KLF5: variants seen among roughly 807,000 people sequenced by gnomAD.
KLF5 encodes KLF transcription factor 5, also known as Krueppel-like factor 5.
KLF5 carries 9 observed loss-of-function variants against 36.9 expected under a neutral mutation model. The ratio of observed to expected loss-of-function variants is 0.24; its 90% CI spans 0.15 to 0.43. KLF5 has a LOEUF of 0.43. Ranked by LOEUF, KLF5 falls within the 20% of genes least tolerant of loss-of-function variation. The pLI, the probability that KLF5 is intolerant of heterozygous loss-of-function variation, is 1.00. For missense variants in KLF5, 524 were observed against 599.5 expected (o/e 0.87, Z 1.31); for synonymous variants, 246 against 241.7 (o/e 1.02, Z -0.17).
At chr13:73,068,060 C>T (rs1344824887) in intron 3 of KLF5, among the ~76,000 whole-genome samples, 4 of 151,644 alleles carry the variant, frequency 2.6e-5, no homozygotes, top group South Asian at 4.2e-4. Flanking sequence ...AGGCTGGTCT[C>T]GAACTCCTGA....
chr13:73,057,295 C>A (rs908158779), upstream of KLF5, among the ~76,000 whole-genome samples: 12 of 152,262 alleles, frequency 7.9e-5, no homozygotes, highest in African/African-American at 2.6e-4. Context: ...AAATCCCATC[C>A]TAATTCTATA....
upstream of KLF5, chr13:73,059,003 G>C (rs1191557066): frequency 1.8e-5 from 4 of 226,142 alleles, no homozygotes; most frequent in African/African-American, 4.5e-5. Flanking sequence ...TCAAGTGTCA[G>C]TAGTCGCGGG....
chr13:73,067,016 A>ATG (rs2044685292), intron 3 of KLF5, among the ~76,000 whole-genome samples: 1 of 152,170 alleles, frequency 6.6e-6, no homozygotes, highest in Admixed American at 6.5e-5. Context: ...TATTTGTAGT[A>ATG]TGTGTGTGTA....
chr13:73,062,692 C>A lies in KLF5; in HGVS notation c.1093C>A (p.Pro365Thr), dbSNP rs759036524. 6.2e-7 allele frequency: 1 copy of A among 1,614,062 alleles called. No homozygotes were observed. The highest frequency in any genetic ancestry group is 1.1e-5 in the South Asian group (1 of 91,088). ...TGTCAGATACAATAGAAGGAGTAAC[C>A]CCGATTTGGAGAAACGACGCATCCA... ...QPVRYNRRSNPDLEKRRIHYC... is the reference protein window; with the variant it reads ...QPVRYNRRSNTDLEKRRIHYC... Residue 365 changes from proline to threonine, a missense_variant, in exon 2 of 4, where the codon CCC (proline) becomes ACC (threonine). Pro to Thr is a conservative substitution (Grantham distance 38). Around this residue, in one of 4 missense-constraint regions of KLF5, gnomAD observed 46 missense variants for 105.8 expected, o/e 0.43. Coordinates refer to ENST00000377687, the MANE Select transcript of KLF5 (RefSeq NM_001730.5).
At chr13:73,069,289 A>G (rs2044705561) in intron 3 of KLF5, among the ~76,000 whole-genome samples, 1 of 152,136 alleles carries the variant, frequency 6.6e-6, no homozygotes, top group South Asian at 2.1e-4. Flanking sequence ...GCCTTAATGG[A>G]TGGAGATCTT....
rs148760123 is a variant in KLF5 at position 73,075,970 on chromosome 13, C to CAA, written c.*86_*87dup. 7.8e-3 allele frequency: 8,225 copies of CAA among 1,054,678 alleles called. 65 individuals carry two copies. The highest frequency in any genetic ancestry group is 0.047 in the African/African-American group (2,878 of 60,984). The allele number at this position is 1,054,678 out of a possible 1,614,324, so 65.3% of individuals were successfully genotyped here. Reference sequence around the variant, plus strand: ...TATTCCTGTGTAAAAACAACAAAAACAAACAAAAGCAAGAAAACCACAACT... The same window carrying CAA: ...TATTCCTGTGTAAAAACAACAAAAACAAAAACAAAAGCAAGAAAACCACAACT... On this transcript the variant is annotated 3_prime_UTR_variant, in exon 4 of 4. Coordinates refer to ENST00000377687, the MANE Select transcript of KLF5 (RefSeq NM_001730.5).
upstream of KLF5, among the ~76,000 whole-genome samples, chr13:73,058,257 C>G (rs763678688): frequency 1.4e-4 from 21 of 152,212 alleles, no homozygotes; most frequent in Non-Finnish European, 2.6e-4. Context: ...CCAAGCCCTC[C>G]TCCCCACACA....
intron 3 of KLF5, among the ~76,000 whole-genome samples, chr13:73,072,917 AG>A (rs2044732817): frequency 6.6e-6 from 1 of 152,176 alleles, no homozygotes; most frequent in Non-Finnish European, 1.5e-5. Context: ...TTTGAGATAA[AG>A]TGGGAGCTTG....
upstream of KLF5, among the ~76,000 whole-genome samples, chr13:73,057,635 A>G (rs1205944496): frequency 3.9e-5 from 6 of 152,212 alleles, no homozygotes; most frequent in Non-Finnish European, 2.9e-5. Context: ...TGAGATCCAT[A>G]CCTTTGATAG....
At position 73,059,556 on chromosome 13, in the gene KLF5, G is replaced by C; in HGVS notation, c.229G>C (p.Gly77Arg). ...GCAGCCGGCCCAGCCGCCCGCCACC[G>C]GCCCGCGGCTGCCTCCAGAGGACCT... is the stretch of plus-strand genomic sequence containing the variant. Reference protein sequence around the residue: ...APQPAQPPATGPRLPPEDLVQ... With the variant: ...APQPAQPPATRPRLPPEDLVQ... The change falls in exon 1 of 4, where the codon GGC becomes CGC. Residue 77 changes from glycine (G) to arginine (R), a missense_variant. Transcript: ENST00000377687. 8.6e-7 allele frequency: 1 copy of C among 1,168,832 alleles called. No individual in the cohort carries two copies. The allele number at this position is 1,168,832 out of a possible 1,614,324, so 72.4% of individuals were successfully genotyped here.
chr13:73,075,647 T>G (rs1263910727), intron 3 of KLF5, 61 bp from the exon 4 acceptor site: 5 of 1,334,848 alleles, frequency 3.7e-6, no homozygotes, highest in Non-Finnish European at 5.1e-6. Context: ...CCTTCTCCGG[T>G]GTTATCTAGG....
At chr13:73,059,705 G>C (rs2044616538) in intron 1 of KLF5, 117 bp downstream of exon 1, 2 of 964,610 alleles carry the variant, frequency 2.1e-6, no homozygotes, top group South Asian at 4.9e-5. Context: ...GGGCGCACCG[G>C]AGCCGGTGCT....
In KLF5 at chr13:73,062,468, G is replaced by A. The variant is rs752594595; in HGVS notation, c.869G>A (p.Ser290Asn). The change falls in exon 2 of 4, where the codon AGT (serine) becomes AAT (asparagine). Residue 290 changes from serine to asparagine, a missense_variant. Ser to Asn is a conservative substitution (Grantham distance 46, BLOSUM62 1). Transcript: ENST00000377687. ...CCCCCTTGCACATACACAATGCCAA[G>A]TCAGTTTCTTCCACAACAGGCCACT... Reference protein sequence around the residue: ...GMPPCTYTMPSQFLPQQATYF... With the variant: ...GMPPCTYTMPNQFLPQQATYF... 12 of 1,614,050 alleles carry A rather than the reference G, an allele frequency of 7.4e-6. No individual in the cohort carries two copies. In the South Asian group the frequency reaches 1.3e-4, roughly 18 times the overall value.
intron 3 of KLF5, 129 bp downstream of exon 3, chr13:73,064,012 CT>C: frequency 1.8e-6 from 1 of 563,704 alleles, no homozygotes; most frequent in Non-Finnish European, 3.1e-6. Context: ...TTTAAATAGC[CT>C]ACCTTTTCAG....
At chr13:73,061,571 G>C (rs1035049650) in intron 1 of KLF5, among the ~76,000 whole-genome samples, 5 of 152,198 alleles carry the variant, frequency 3.3e-5, no homozygotes, top group Non-Finnish European at 7.3e-5. Context: ...TATTGCATCA[G>C]AATGGAATGT....
In KLF5 at chr13:73,076,358, A is replaced by G. The variant is rs2044761630; in HGVS notation, c.*472A>G. 1 of 153,396 alleles carries G rather than the reference A, an allele frequency of 6.5e-6. No individual in the cohort carries two copies. The highest frequency in any genetic ancestry group is 2.1e-4 in the South Asian group (1 of 4,846). 9.5% of individuals were successfully genotyped at this position (153,396 alleles called of 1,614,324 possible). ...GATACAGTATACCTGGCAATTCACAAATAGCCATTGAACAAATGTGTGGGT... is the reference window on the plus strand; with the variant it reads ...GATACAGTATACCTGGCAATTCACAGATAGCCATTGAACAAATGTGTGGGT... On this transcript the variant is annotated 3_prime_UTR_variant, in exon 4 of 4. Coordinates refer to ENST00000377687, the MANE Select transcript of KLF5 (RefSeq NM_001730.5).
intron 3 of KLF5, among the ~76,000 whole-genome samples, chr13:73,070,403 G>T (rs900769771): frequency 6.6e-6 from 1 of 152,190 alleles, no homozygotes; most frequent in African/African-American, 2.4e-5. Flanking sequence ...ACGTCAGTGC[G>T]AACTCCCATT....
intron 3 of KLF5, among the ~76,000 whole-genome samples, chr13:73,072,222 A>AG (rs57574208): frequency 0.27 from 41,536 of 151,648 alleles, 6,377 homozygotes; most frequent in Non-Finnish European, 0.33. Flanking sequence ...AGTCATTCAG[A>AG]GGGGGGAAAA....
At chr13:73,058,389 G>A (rs946757075), upstream of KLF5, among the ~76,000 whole-genome samples, 1 of 152,144 alleles carries the variant, frequency 6.6e-6, no homozygotes, top group African/African-American at 2.4e-5. Context: ...TTTTATTCAG[G>A]CATTCTGAAT....
Sources: allele counts gnomAD v4.1 joint callset (sites outside exome capture counted in the v4.1 genomes callset), GRCh38; gene constraint gnomAD v4.1.1; regional missense constraint gnomAD v4.1.1; transcripts MANE v1.5; gene names NCBI Gene and HGNC (gene_info 2026-07-23, HGNC 2026-07-21).